The following ITIH2 variants were observed in gnomAD, a reference collection of about 807,000 sequenced individuals.
ITIH2 encodes inter-alpha-trypsin inhibitor heavy chain 2.
Under a neutral mutation model 104.4 loss-of-function variants are expected in ITIH2, and 103 were observed. The observed-to-expected ratio is 0.99, with a 90% confidence interval of 0.84 to 1.16. The LOEUF (loss-of-function observed/expected upper bound fraction) is 1.16, where lower values mean the gene tolerates loss of function less well. ITIH2 is among the 50% of genes most tolerant of loss of function. The probability of loss-of-function intolerance (pLI) is 0.00; values close to 1 mark genes in which losing one functional copy is unlikely to be tolerated. For missense variants in ITIH2, 1,108 were observed against 1,162.4 expected (o/e 0.95, Z 0.68); for synonymous variants, 436 against 435.4 (o/e 1.00, Z -0.02).
At chr10:7,748,381 G>A (rs1284162978) in intron 20 of ITIH2, among the ~76,000 whole-genome samples, 3 of 149,546 alleles carry the variant, frequency 2.0e-5, no homozygotes, top group East Asian at 1.9e-4. Flanking sequence ...TTTAAGTCTC[G>A]TTCACGCAGT....
Position 7,732,348 on chromosome 10 carries a change from A to G in ITIH2, c.1658A>G (p.Gln553Arg). ...SVITATSANT[Q>R]LVLETLAQMD... ...CCTTCCATCATCTAGGCTAACACGCAGTTAGTCTTGGAGACCCTGGCCCAG... is the reference window on the plus strand; with the variant it reads ...CCTTCCATCATCTAGGCTAACACGCGGTTAGTCTTGGAGACCCTGGCCCAG... Residue 553 changes from glutamine to arginine, a missense_variant, in exon 14 of 21, where the codon CAG becomes CGG. Physicochemically the swap from Gln to Arg is conservative, Grantham distance 43. Transcript: ENST00000358415. 6 of 1,613,856 alleles carry G rather than the reference A, an allele frequency of 3.7e-6. No individual in the cohort carries two copies. Among genetic ancestry groups the G allele is most frequent in the Non-Finnish European group, 5.1e-6 (6 of 1,179,754 alleles).
At chr10:7,726,365 T>A (rs1834951536) in intron 9 of ITIH2, among the ~76,000 whole-genome samples, 1 of 152,178 alleles carries the variant, frequency 6.6e-6, no homozygotes, top group Admixed American at 6.5e-5. Context: ...AGAGAGGGAA[T>A]GAAATAGTTC....
At chr10:7,719,739 T>G (rs1399902955) in intron 6 of ITIH2, among the ~76,000 whole-genome samples, 1 of 93,600 alleles carries the variant, frequency 1.1e-5, no homozygotes, top group Non-Finnish European at 1.9e-5. Flanking sequence ...CCAGGCTGGA[T>G]GGCAAAATGA....
At position 7,730,055 on chromosome 10, in the gene ITIH2, T is replaced by C; in HGVS notation, c.1383T>C (p.Phe461=). 1 of 1,613,478 alleles carries C rather than the reference T, an allele frequency of 6.2e-7. No homozygotes were observed. The highest frequency in any genetic ancestry group is 8.5e-7 in the Non-Finnish European group (1 of 1,179,436). The change falls in exon 12 of 21, where the codon TTT becomes TTC. Residue 461 remains phenylalanine (F), a synonymous_variant. Coordinates refer to ENST00000358415, the MANE Select transcript of ITIH2 (RefSeq NM_002216.3). Reference sequence around the variant, plus strand: ...TGGGATTTGATGTGGACTATGATTTTTTGAAGAGACTGTCCAATGAAAACC... The same window carrying C: ...TGGGATTTGATGTGGACTATGATTTCTTGAAGAGACTGTCCAATGAAAACC... ...LGMGFDVDYD[F]LKRLSNENHG...
chr10:7,725,454 G>T (rs1027403918), intron 9 of ITIH2, among the ~76,000 whole-genome samples: 1 of 152,324 alleles, frequency 6.6e-6, no homozygotes, highest in Middle Eastern at 3.4e-3. Flanking sequence ...TGAGAGGCAA[G>T]GTGGCTCATG....
chr10:7,728,194 G>C (rs1018110065), intron 11 of ITIH2, among the ~76,000 whole-genome samples: 1 of 152,078 alleles, frequency 6.6e-6, no homozygotes, highest in Non-Finnish European at 1.5e-5. Context: ...ATTGATCCCA[G>C]ATCTCCCAGC....
At chr10:7,731,250 G>A (rs1289448358) in intron 12 of ITIH2, among the ~76,000 whole-genome samples, 1 of 152,032 alleles carries the variant, frequency 6.6e-6, no homozygotes, top group African/African-American at 2.4e-5. Flanking sequence ...TTGTCCAAGA[G>A]TTTTTCACGC....
intron 5 of ITIH2, among the ~76,000 whole-genome samples, chr10:7,716,411 T>G (rs146137566): frequency 6.6e-6 from 1 of 152,166 alleles, no homozygotes; most frequent in Non-Finnish European, 1.5e-5. Context: ...GAACTCAGTA[T>G]GTATGTGACT....
At chr10:7,734,163 C>T (rs1835029494) in intron 14 of ITIH2, among the ~76,000 whole-genome samples, 1 of 152,054 alleles carries the variant, frequency 6.6e-6, no homozygotes, top group African/African-American at 2.4e-5. Flanking sequence ...TTAACCAAAC[C>T]CATAGAATGT....
intron 5 of ITIH2, among the ~76,000 whole-genome samples, chr10:7,715,951 C>T (rs1834845613): frequency 6.6e-6 from 1 of 151,966 alleles, no homozygotes; most frequent in Non-Finnish European, 1.5e-5. Context: ...CAACCTCCAC[C>T]TCCCAGGTCT....
At chr10:7,724,937 C>T (rs1300324351) in intron 9 of ITIH2, among the ~76,000 whole-genome samples, 2 of 152,126 alleles carry the variant, frequency 1.3e-5, no homozygotes, top group Non-Finnish European at 1.5e-5. Context: ...CCTTCCATCA[C>T]TCATTCATTT....
At chr10:7,743,942 G>GA (rs1177891171) in intron 17 of ITIH2, 140 bp from the exon 18 acceptor site, 7 of 478,718 alleles carry the variant, frequency 1.5e-5, no homozygotes, top group African/African-American at 1.4e-4. Context: ...TCACAAAGAA[G>GA]AAAATGTTAA....
intron 19 of ITIH2, 121 bp downstream of exon 19, chr10:7,745,084 A>T (rs1355197552): frequency 1.1e-5 from 9 of 834,750 alleles, no homozygotes; most frequent in Non-Finnish European, 1.7e-5. Flanking sequence ...CAGAGGACTA[A>T]CATAGCAGTG....
At chr10:7,726,749 T>C (rs186793568) in intron 9 of ITIH2, among the ~76,000 whole-genome samples, 200 of 152,244 alleles carry the variant, frequency 1.3e-3, no homozygotes, top group Non-Finnish European at 2.5e-3. Flanking sequence ...GATAGTAAAA[T>C]TATCAAAAAG....
chr10:7,741,157 A>G (rs1252720459), intron 16 of ITIH2, among the ~76,000 whole-genome samples: 1 of 150,222 alleles, frequency 6.7e-6, no homozygotes, highest in East Asian at 2.0e-4. Flanking sequence ...AGAGGATATC[A>G]TAATGATTGT....
chr10:7,704,133 T>C (rs1564296407), intron 1 of ITIH2, among the ~76,000 whole-genome samples: 1 of 152,214 alleles, frequency 6.6e-6, no homozygotes, highest in Non-Finnish European at 1.5e-5. Context: ...GTAAGGAAAG[T>C]CTTGGACTGA....
In ITIH2 at chr10:7,738,770, A is replaced by G. The variant is rs1374952919; in HGVS notation, c.2095+12A>G. 1 of 1,587,050 alleles carries G rather than the reference A, an allele frequency of 6.3e-7. No homozygotes were observed. Among genetic ancestry groups the G allele is most frequent in the Non-Finnish European group, 8.6e-7 (1 of 1,166,772 alleles). ...ACATGTGATGAGAGGTAACGCTTCTACACTGCTTGCACGTCCCAGAACTCA... is the reference window on the plus strand; with the variant it reads ...ACATGTGATGAGAGGTAACGCTTCTGCACTGCTTGCACGTCCCAGAACTCA... On this transcript the variant is annotated intron_variant, in intron 16 of 20. Transcript: ENST00000358415.
intron 14 of ITIH2, among the ~76,000 whole-genome samples, chr10:7,733,209 T>C (rs1218035545): frequency 6.6e-6 from 1 of 152,152 alleles, no homozygotes; most frequent in East Asian, 1.9e-4. Flanking sequence ...TTTCACATAA[T>C]CATGCAATCT....
At chr10:7,747,382 C>T (rs1835189207) in intron 20 of ITIH2, among the ~76,000 whole-genome samples, 1 of 152,088 alleles carries the variant, frequency 6.6e-6, no homozygotes, top group South Asian at 2.1e-4. Context: ...TTAATTAAAC[C>T]ATAACATTGT....
Sources: gnomAD v4.1 joint callset for allele counts (sites outside exome capture counted in the v4.1 genomes callset) on GRCh38, gnomAD v4.1.1 for gene constraint, MANE v1.5 for transcripts, NCBI Gene and HGNC (gene_info 2026-07-23, HGNC 2026-07-21) for gene names.